The following EPHA5 variants were observed in gnomAD, a reference collection of about 807,000 sequenced individuals.
The protein encoded by EPHA5 is EPH receptor A5.
A neutral mutation model predicts 105.0 loss-of-function variants in EPHA5; 60 were observed. That is an observed-to-expected ratio of 0.57 (90% CI 0.46 to 0.71). The LOEUF is 0.71. EPHA5 is among the 30% of genes least tolerant of loss of function. The probability of loss-of-function intolerance (pLI) is 0.00; values close to 1 mark genes in which losing one functional copy is unlikely to be tolerated. For missense variants in EPHA5, 1,218 were observed against 1,274.7 expected (o/e 0.96, Z 0.68); for synonymous variants, 513 against 449.1 (o/e 1.14, Z -1.80).
intron 5 of EPHA5, among the ~76,000 whole-genome samples, chr4:65,474,542 T>C (rs879649433): frequency 2.0e-5 from 3 of 152,138 alleles, no homozygotes; most frequent in Non-Finnish European, 4.4e-5. Context: ...CTCTATTTTC[T>C]TACTAATGGA....
At chr4:65,357,138 A>G (rs1723375742) in intron 11 of EPHA5, among the ~76,000 whole-genome samples, 1 of 151,500 alleles carries the variant, frequency 6.6e-6, no homozygotes, top group Non-Finnish European at 1.5e-5. Flanking sequence ...TAACCATAAA[A>G]GAGCTCAAAT....
intron 8 of EPHA5, chr4:65,376,917 A>G: frequency 7.7e-7 from 1 of 1,290,792 alleles, no homozygotes; most frequent in Non-Finnish European, 1.0e-6. Context: ...AATGTACACA[A>G]ATGGAGAAAG....
At chr4:65,580,713 C>A (rs1741531430) in intron 3 of EPHA5, among the ~76,000 whole-genome samples, 1 of 151,192 alleles carries the variant, frequency 6.6e-6, no homozygotes, top group Admixed American at 6.6e-5. Flanking sequence ...TCAAAGAGGA[C>A]AAAAGTTGAG....
chr4:65,387,424 A>C (rs1366093232), intron 8 of EPHA5, among the ~76,000 whole-genome samples: 1 of 152,062 alleles, frequency 6.6e-6, no homozygotes, highest in East Asian at 1.9e-4. Context: ...ATGAAGATTT[A>C]GAAGCCCCAA....
intron 5 of EPHA5, among the ~76,000 whole-genome samples, chr4:65,479,418 A>AATTTCTTCTGTTTAAATGT: frequency 6.6e-6 from 1 of 152,184 alleles, no homozygotes; most frequent in African/African-American, 2.4e-5. Context: ...ATTCTGTTTA[A>AATTTCTTCTGTTTAAATGT]ATTTCTTCTG....
In EPHA5 at chr4:65,348,226, A is replaced by G. The variant is rs375300933; in HGVS notation, c.2446-23T>C. The G allele has an allele frequency of 1.7e-5, 27 of 1,604,094 alleles. No homozygotes were observed. The African/African-American group carries it at 3.5e-4, about 21-fold the overall frequency. On this transcript the variant is annotated intron_variant, in intron 13 of 16. Transcript: ENST00000613740. ...TCCCTAAAATTGAAAAAGATTTAAA[A>G]AACTTCCTACATACTTCAAATGTGC...
At chr4:65,563,316 A>G (rs1057417017) in intron 3 of EPHA5, among the ~76,000 whole-genome samples, 1 of 152,086 alleles carries the variant, frequency 6.6e-6, no homozygotes, top group Non-Finnish European at 1.5e-5. Context: ...TTTACATTTT[A>G]AGAGAAGTCT....
intron 2 of EPHA5, among the ~76,000 whole-genome samples, chr4:65,613,229 C>T (rs1419677407): frequency 6.6e-6 from 1 of 152,006 alleles, no homozygotes; most frequent in Non-Finnish European, 1.5e-5. Flanking sequence ...TTCCACTGAT[C>T]TATCTGTCTA....
At chr4:65,591,604 A>T (rs868079010) in intron 3 of EPHA5, among the ~76,000 whole-genome samples, 7 of 145,680 alleles carry the variant, frequency 4.8e-5, no homozygotes, top group South Asian at 2.1e-4. Context: ...TTTTAATTTT[A>T]TTTTTTTTAA....
intron 3 of EPHA5, among the ~76,000 whole-genome samples, chr4:65,516,736 C>G (rs938341108): frequency 1.3e-5 from 2 of 152,046 alleles, no homozygotes; most frequent in African/African-American, 4.8e-5. Flanking sequence ...CCTTTTAAAT[C>G]TATTTGCCTT....
At chr4:65,436,427 T>C (rs1460312591) in intron 5 of EPHA5, among the ~76,000 whole-genome samples, 3 of 151,890 alleles carry the variant, frequency 2.0e-5, no homozygotes, top group African/African-American at 7.2e-5. Flanking sequence ...TAAATAAAAA[T>C]TCTGTCCGTC....
At chr4:65,409,485 G>A (rs1722716558) in intron 7 of EPHA5, among the ~76,000 whole-genome samples, 1 of 152,028 alleles carries the variant, frequency 6.6e-6, no homozygotes, top group South Asian at 2.1e-4. Flanking sequence ...AGCATATACT[G>A]AGAAGTCACA....
chr4:65,483,449 ATGG>A (rs33973340), intron 5 of EPHA5, among the ~76,000 whole-genome samples: 6,845 of 152,206 alleles, frequency 0.045, 213 homozygotes, highest in African/African-American at 0.089. Context: ...GACTTCCACA[ATGG>A]TTGAACTAGT....
chr4:65,664,594 G>T (rs185683975), intron 1 of EPHA5, among the ~76,000 whole-genome samples: 75 of 151,800 alleles, frequency 4.9e-4, no homozygotes, highest in South Asian at 1.0e-3. Flanking sequence ...AGTATACAAC[G>T]GACTATAATA....
chr4:65,428,296 T>A (rs1724643313), intron 5 of EPHA5, among the ~76,000 whole-genome samples: 1 of 152,138 alleles, frequency 6.6e-6, no homozygotes, highest in Admixed American at 6.6e-5. Flanking sequence ...TATATTTTTA[T>A]AATACATAAC....
chr4:65,436,788 C>A (rs1725521532), intron 5 of EPHA5, among the ~76,000 whole-genome samples: 1 of 151,982 alleles, frequency 6.6e-6, no homozygotes, highest in South Asian at 2.1e-4. Flanking sequence ...CTAACTTGCA[C>A]CTACTGGTAT....
chr4:65,512,663 T>C (rs959346333), intron 3 of EPHA5, among the ~76,000 whole-genome samples: 1 of 152,118 alleles, frequency 6.6e-6, no homozygotes, highest in Non-Finnish European at 1.5e-5. Context: ...CAGAAGCCAA[T>C]AGGGCTTCCT....
chr4:65,570,140 C>T (rs528422149), intron 3 of EPHA5, among the ~76,000 whole-genome samples: 49 of 151,668 alleles, frequency 3.2e-4, no homozygotes, highest in Non-Finnish European at 5.9e-4. Context: ...GTTCTTCCCA[C>T]TCCCAAGATA....
At chr4:65,358,060 A>G (rs1253468678) in intron 11 of EPHA5, among the ~76,000 whole-genome samples, 2 of 151,372 alleles carry the variant, frequency 1.3e-5, no homozygotes, top group African/African-American at 4.8e-5. Flanking sequence ...ATGGCCTGGG[A>G]ACTTATTAGA....
Sources: gnomAD v4.1 joint callset for allele counts (sites outside exome capture counted in the v4.1 genomes callset) on GRCh38, gnomAD v4.1.1 for gene constraint, MANE v1.5 for transcripts, NCBI Gene and HGNC (gene_info 2026-07-23, HGNC 2026-07-21) for gene names.